Variants in KIR2DL3 observed in about 807,000 individuals in gnomAD.
KIR2DL3 encodes the protein killer cell immunoglobulin like receptor, two Ig domains and long cytoplasmic tail 3, also known as killer cell immunoglobulin-like receptor 2DL3.
KIR2DL3 carries 39 observed loss-of-function variants against 33.8 expected under a neutral mutation model. That is an observed-to-expected ratio of 1.15 (90% CI 0.89 to 1.51). The LOEUF is 1.51. Ranked by LOEUF, KIR2DL3 falls within the 40% of genes most tolerant of loss-of-function variation. The pLI, the probability that KIR2DL3 is intolerant of heterozygous loss-of-function variation, is 0.00. For synonymous variants in KIR2DL3, 174 were observed against 160.2 expected (o/e 1.09, Z -0.65); for missense variants, 462 against 426.2 (o/e 1.08, Z -0.74).
intron 5 of KIR2DL3, 133 bp from the exon 6 acceptor site, chr19:54,751,516 G>T: frequency 1.4e-6 from 1 of 738,402 alleles, no homozygotes. Context: ...GGAGAAAGCT[G>T]GGTCTCCCTC....
chr19:54,748,052 G>A (rs1325609514), intron 5 of KIR2DL3, among the ~76,000 whole-genome samples: 2 of 151,640 alleles, frequency 1.3e-5, no homozygotes, highest in Non-Finnish European at 2.9e-5. Flanking sequence ...TGACAGCAAG[G>A]CTGCCTTCCC....
chr19:54,745,392 TC>T (rs2072301704), intron 4 of KIR2DL3, among the ~76,000 whole-genome samples: 1 of 150,236 alleles, frequency 6.7e-6, no homozygotes, highest in Non-Finnish European at 1.5e-5. Context: ...TGAGACAGTT[TC>T]CCTCTGTGCC....
intron 3 of KIR2DL3, among the ~76,000 whole-genome samples, chr19:54,742,998 T>C (rs1169018954): frequency 2.7e-5 from 4 of 146,906 alleles, no homozygotes; most frequent in African/African-American, 1.0e-4. Context: ...GGCAGAGGAG[T>C]GGTGAGAATG....
In KIR2DL3 at chr19:54,738,596, C is replaced by T. The variant is rs3810344; in HGVS notation, c.34+17C>T. ...TGTGTGTTGGTGAGTCCTGGAAGGG[C>T]ATCGAGGGAGGGAGTGCGGGGATGG... is the stretch of plus-strand genomic sequence containing the variant. On this transcript the variant is annotated intron_variant, in intron 1 of 7. Transcript: ENST00000342376. The T allele has an allele frequency of 6.9e-3, 11,045 of 1,607,374 alleles. 59 individuals are homozygous for T. The highest frequency in any genetic ancestry group is 8.7e-3 in the Non-Finnish European group (10,277 of 1,177,162).
chr19:54,746,862 A>C (rs1387948250), intron 4 of KIR2DL3, among the ~76,000 whole-genome samples: 1 of 147,786 alleles, frequency 6.8e-6, no homozygotes, highest in African/African-American at 2.5e-5. Flanking sequence ...CAGCACCTGT[A>C]ATACCACTAC....
In KIR2DL3 at chr19:54,742,123, C is replaced by T. The variant is rs761088731; in HGVS notation, c.214C>T (p.Leu72Phe). The T allele has an allele frequency of 4.0e-5, 64 of 1,613,868 alleles. No individual in the cohort carries two copies. Among genetic ancestry groups the T allele is most frequent in the Non-Finnish European group, 5.1e-5 (60 of 1,179,990 alleles). ...AGGGAAGTTTAAGGACACTTTGCAC[C>T]TCATTGGAGAGCACCATGATGGGGT... Reference protein sequence around the residue: ...REGKFKDTLHLIGEHHDGVSK... With the variant: ...REGKFKDTLHFIGEHHDGVSK... Residue 72 changes from leucine (L) to phenylalanine (F), a missense_variant, in exon 3 of 8, where the codon CTC becomes TTC. Leu to Phe is a conservative substitution (Grantham distance 22). Coordinates refer to ENST00000342376, the MANE Select transcript of KIR2DL3 (RefSeq NM_015868.3).
chr19:54,747,115 T>C (rs1335552531), intron 4 of KIR2DL3, among the ~76,000 whole-genome samples: 5 of 145,994 alleles, frequency 3.4e-5, no homozygotes, highest in Admixed American at 7.1e-5. Context: ...CTGTAACATA[T>C]TTTGAGATCA....
intron 1 of KIR2DL3, 92 bp from the exon 2 acceptor site, chr19:54,739,415 G>A (rs1321636317): frequency 1.5e-5 from 24 of 1,601,496 alleles, no homozygotes; most frequent in Non-Finnish European, 1.9e-5. Flanking sequence ...CCCAGGAAGG[G>A]CCTGGCTGCC....
At chr19:54,747,516 T>A (rs1311404070) in intron 5 of KIR2DL3, 131 bp downstream of exon 5, 1 of 1,227,132 alleles carries the variant, frequency 8.1e-7, no homozygotes, top group Non-Finnish European at 1.2e-6. Flanking sequence ...GAACTCCAGA[T>A]ACTCCAACAG....
Position 54,738,534 on chromosome 19 carries a change from A to G in KIR2DL3, c.-12A>G. 5.0e-6 allele frequency: 8 copies of G among 1,613,990 alleles called. No individual in the cohort carries two copies. The highest frequency in any genetic ancestry group is 6.8e-6 in the Non-Finnish European group (8 of 1,179,988). The stretch of plus-strand genomic sequence containing the variant: ...AGCTGGGGCGCGGCCGCCTGTCTGC[A>G]CAGACAGCACCATGTCGCTCATGGT... On this transcript the variant is annotated 5_prime_UTR_variant, in exon 1 of 8. Transcript: ENST00000342376.
chr19:54,740,458 G>A (rs1424322890), intron 2 of KIR2DL3, among the ~76,000 whole-genome samples: 700 of 136,060 alleles, frequency 5.1e-3, no homozygotes, highest in African/African-American at 0.017. Flanking sequence ...TGTGACCCCC[G>A]CACACACAGG....
intron 4 of KIR2DL3, among the ~76,000 whole-genome samples, chr19:54,746,721 A>C (rs1325395430): frequency 6.7e-6 from 1 of 150,278 alleles, no homozygotes; most frequent in Non-Finnish European, 1.5e-5. Context: ...GGTGGCTGAC[A>C]CCTGCAATTT....
At chr19:54,740,703 A>T (rs928356072) in intron 2 of KIR2DL3, among the ~76,000 whole-genome samples, 7 of 151,822 alleles carry the variant, frequency 4.6e-5, no homozygotes, top group African/African-American at 1.7e-4. Context: ...CTGTGGTGGG[A>T]AGAATAATTG....
At chr19:54,742,394 T>G (rs1600339664) in intron 3 of KIR2DL3, 115 bp downstream of exon 3, 2 of 1,452,114 alleles carry the variant, frequency 1.4e-6, no homozygotes, top group Non-Finnish European at 1.9e-6. Context: ...GGAGAGAGAC[T>G]GACTTGCTGA....
chr19:54,750,639 T>C (rs1006754208), intron 5 of KIR2DL3, among the ~76,000 whole-genome samples: 1 of 137,506 alleles, frequency 7.3e-6, no homozygotes, highest in African/African-American at 2.7e-5. Flanking sequence ...GAGAAGACTC[T>C]AAATACCTCC....
chr19:54,739,632 A>G, intron 2 of KIR2DL3, 90 bp downstream of exon 2: 19 of 1,536,322 alleles, frequency 1.2e-5, no homozygotes, highest in Non-Finnish European at 1.7e-5. Flanking sequence ...GGAGTCTCTC[A>G]TAAACTAGGA....
At chr19:54,740,754 C>G (rs1362858512) in intron 2 of KIR2DL3, among the ~76,000 whole-genome samples, 4 of 151,696 alleles carry the variant, frequency 2.6e-5, no homozygotes, top group African/African-American at 9.7e-5. Flanking sequence ...GAGTCTGTGA[C>G]TATTTATGTT....
At chr19:54,744,277 C>T (rs1246489122) in intron 4 of KIR2DL3, among the ~76,000 whole-genome samples, 189 bp downstream of exon 4, 1 of 152,100 alleles carries the variant, frequency 6.6e-6, no homozygotes, top group Non-Finnish European at 1.5e-5. Flanking sequence ...TGCATGAAGG[C>T]CCGCGGCCAG....
rs1289260376 is a variant in KIR2DL3, at chr19:54,747,370, C to G, written c.700C>G (p.Pro234Ala). 8.7e-6 allele frequency: 14 copies of G among 1,611,596 alleles called. No homozygotes were observed. The highest frequency in any genetic ancestry group is 1.1e-5 in the Non-Finnish European group (13 of 1,178,376). Reference sequence around the variant, plus strand: ...AAATAGTTGGCCTTCACCCACTGAACCAAGCTCCGAAACCGGTGAGTACAG... The same window carrying G: ...AAATAGTTGGCCTTCACCCACTGAAGCAAGCTCCGAAACCGGTGAGTACAG... The part of the protein sequence containing the change: ...PSNSWPSPTE[P>A]SSETGNPRHL... Residue 234 changes from proline (P) to alanine (A), a missense_variant, in exon 5 of 8, where the codon CCA becomes GCA. Physicochemically the swap from Pro to Ala is conservative, Grantham distance 27. Coordinates refer to ENST00000342376, the MANE Select transcript of KIR2DL3 (RefSeq NM_015868.3).
Sources: gnomAD v4.1 joint callset for allele counts (sites outside exome capture counted in the v4.1 genomes callset) on GRCh38, gnomAD v4.1.1 for gene constraint, MANE v1.5 for transcripts, NCBI Gene and HGNC (gene_info 2026-07-23, HGNC 2026-07-21) for gene names.